MAP3K2: variants seen among roughly 807,000 people sequenced by gnomAD.
MAP3K2 encodes MAP/ERK kinase kinase 2.
A neutral mutation model predicts 80.3 loss-of-function variants in MAP3K2; 24 were observed. The ratio of observed to expected loss-of-function variants is 0.30; its 90% confidence interval spans 0.22 to 0.42. The LOEUF (loss-of-function observed/expected upper bound fraction) is 0.42. Among genes scored for constraint, MAP3K2 ranks in the 10% least tolerant of loss-of-function variants. The probability of loss-of-function intolerance (pLI) is 1.00; values close to 1 mark genes in which losing one functional copy is unlikely to be tolerated. For synonymous variants in MAP3K2, 244 were observed against 253.7 expected (o/e 0.96, Z 0.36); for missense variants, 608 against 750.1 (o/e 0.81, Z 2.21).
chr2:127,377,751 C>T (rs924940365), intron 1 of MAP3K2, among the ~76,000 whole-genome samples: 1 of 152,152 alleles, frequency 6.6e-6, no homozygotes, highest in Non-Finnish European at 1.5e-5. Flanking sequence ...TGTATGATAG[C>T]TTCAATGCCA....
chr2:127,342,980 T>C (rs975764924), intron 2 of MAP3K2, 146 bp downstream of exon 2: 2 of 585,570 alleles, frequency 3.4e-6, no homozygotes, highest in African/African-American at 3.7e-5. Context: ...CAAAGTCTAT[T>C]AAGTAAATAT....
At chr2:127,326,250 G>A (rs937213100) in intron 8 of MAP3K2, among the ~76,000 whole-genome samples, 6 of 109,304 alleles carry the variant, frequency 5.5e-5, no homozygotes, top group South Asian at 2.6e-4. Flanking sequence ...CATATAATGC[G>A]ATGCAATGCA....
intron 1 of MAP3K2, among the ~76,000 whole-genome samples, chr2:127,348,933 T>C (rs1686643686): frequency 1.3e-5 from 2 of 152,106 alleles, no homozygotes; most frequent in South Asian, 4.1e-4. Context: ...CTAATCCAAA[T>C]TTTAATGTGA....
At chr2:127,358,300 G>A (rs112422832) in intron 1 of MAP3K2, among the ~76,000 whole-genome samples, 22 of 152,310 alleles carry the variant, frequency 1.4e-4, no homozygotes, top group African/African-American at 4.1e-4. Context: ...CAAGGATACC[G>A]TGCAACTAAA....
At chr2:127,340,591 A>C (rs1686459529) in intron 2 of MAP3K2, among the ~76,000 whole-genome samples, 1 of 151,818 alleles carries the variant, frequency 6.6e-6, no homozygotes, top group Non-Finnish European at 1.5e-5. Flanking sequence ...CAGGAGGCAG[A>C]GGTTGCAGCG....
rs577563755 is a variant in MAP3K2, at chr2:127,325,403, G to A, written c.677+325C>T. Among the ~76,000 whole-genome samples, 10 of 152,278 alleles carry A rather than the reference G, an allele frequency of 6.6e-5. No homozygotes were observed. The East Asian group carries it at 1.5e-3, about 23-fold the overall frequency. On this transcript the variant is annotated intron_variant, in intron 9 of 16. Coordinates refer to ENST00000682094, the MANE Select transcript of MAP3K2 (RefSeq NM_001371910.2). ...AAAAAAGAAAACTACAGTAAGCTGA[G>A]CATGGTGGCTCATGTGTGTAATCCC...
At chr2:127,377,668 A>T (rs1442973273) in intron 1 of MAP3K2, among the ~76,000 whole-genome samples, 2 of 152,178 alleles carry the variant, frequency 1.3e-5, no homozygotes, top group Non-Finnish European at 2.9e-5. Flanking sequence ...TGTAATATGA[A>T]TTTTCTGGCA....
At chr2:127,314,626 A>C in intron 15 of MAP3K2, 128 bp downstream of exon 15, 3 of 740,422 alleles carry the variant, frequency 4.1e-6, no homozygotes, top group Non-Finnish European at 6.4e-6. Flanking sequence ...TAAGAAAGCA[A>C]GAGAACTGTT....
rs1168787009 is a variant in MAP3K2 at position 127,306,561 on chromosome 2, T to A, written c.*1018A>T. ...GACATAACACATAAACATTACTAATTGAACTCTTCGCTCCTAAGGGATGTT... is the reference window on the plus strand; with the variant it reads ...GACATAACACATAAACATTACTAATAGAACTCTTCGCTCCTAAGGGATGTT... On this transcript the variant is annotated 3_prime_UTR_variant, in exon 17 of 17. Coordinates refer to ENST00000682094, the MANE Select transcript of MAP3K2 (RefSeq NM_001371910.2). The surrounding 1 kb of genome is among the most constrained non-coding windows in gnomAD (Gnocchi z 4.7). The A allele has an allele frequency of 6.6e-6, 1 of 152,156 alleles. No individual in the cohort carries two copies. Among genetic ancestry groups the A allele is most frequent in the African/African-American group, 2.4e-5 (1 of 41,430 alleles). The allele number at this position is 152,156 out of a possible 1,614,324, so 9.4% of individuals were successfully genotyped here.
rs1233309613 is a variant in MAP3K2 at position 127,301,073 on chromosome 2, A to G, written c.*6506T>C. 1.3e-5 allele frequency: 2 copies of G among 152,190 alleles called. No homozygotes were observed. The highest frequency in any genetic ancestry group is 4.8e-5 in the African/African-American group (2 of 41,430). The allele number at this position is 152,190 out of a possible 1,614,324, so 9.4% of individuals were successfully genotyped here. On this transcript the variant is annotated 3_prime_UTR_variant, in exon 17 of 17. Coordinates refer to ENST00000682094, the MANE Select transcript of MAP3K2 (RefSeq NM_001371910.2). ...TTACTGTTCTCAACTGCATTAAGGG[A>G]TTCTCAACTGCATTAAGGGATTCAG...
chr2:127,308,484 G>T, intron 16 of MAP3K2, 101 bp downstream of exon 16: 1 of 1,053,524 alleles, frequency 9.5e-7, no homozygotes, highest in Non-Finnish European at 1.3e-6. Flanking sequence ...TCCTATTTTG[G>T]AAGTACAAAA....
chr2:127,298,702 T>A lies in MAP3K2; in HGVS notation c.*8877A>T, dbSNP rs1685532052. ...AAATAAATATTAGCTTTATTAACACTCAAAGTGCCATTCATTTATATTCAT... is the reference window on the plus strand; with the variant it reads ...AAATAAATATTAGCTTTATTAACACACAAAGTGCCATTCATTTATATTCAT... On this transcript the variant is annotated 3_prime_UTR_variant, in exon 17 of 17. Coordinates refer to ENST00000682094, the MANE Select transcript of MAP3K2 (RefSeq NM_001371910.2). 1 of 152,232 alleles carries A rather than the reference T, an allele frequency of 6.6e-6. No homozygotes were observed. The highest frequency in any genetic ancestry group is 2.4e-5 in the African/African-American group (1 of 41,462). 9.4% of individuals were successfully genotyped at this position (152,232 alleles called of 1,614,324 possible).
In MAP3K2 at chr2:127,300,732, T is replaced by C. The variant is rs978260836; in HGVS notation, c.*6847A>G. The C allele has an allele frequency of 6.6e-6, 1 of 152,226 alleles. No individual in the cohort carries two copies. The highest frequency in any genetic ancestry group is 1.5e-5 in the Non-Finnish European group (1 of 68,022). 9.4% of individuals were successfully genotyped at this position (152,226 alleles called of 1,614,324 possible). A position where few individuals can be genotyped will look rare whatever the true frequency, so the allele number is the denominator to read the frequency against. On this transcript the variant is annotated 3_prime_UTR_variant, in exon 17 of 17. Coordinates refer to ENST00000682094, the MANE Select transcript of MAP3K2 (RefSeq NM_001371910.2). ...GAAGTATTCTTATCCTTAGACACTGTACTTTCAATTGAATAGGGTGTATTG... is the reference window on the plus strand; with the variant it reads ...GAAGTATTCTTATCCTTAGACACTGCACTTTCAATTGAATAGGGTGTATTG...
chr2:127,325,407 G>A (rs1686112727), intron 9 of MAP3K2, among the ~76,000 whole-genome samples: 1 of 152,152 alleles, frequency 6.6e-6, no homozygotes, highest in Non-Finnish European at 1.5e-5. Context: ...AGCTGAGCAT[G>A]GTGGCTCATG....
At chr2:127,314,276 G>A (rs1022473291) in intron 15 of MAP3K2, among the ~76,000 whole-genome samples, 3 of 152,042 alleles carry the variant, frequency 2.0e-5, no homozygotes, top group Admixed American at 6.6e-5. Context: ...CCATTCCTCC[G>A]AGTTTAAATT....
rs1685720357 is a variant in MAP3K2, at chr2:127,307,332, C to T, written c.*247G>A. 1 of 257,098 alleles carries T rather than the reference C, an allele frequency of 3.9e-6. No individual in the cohort carries two copies. The highest frequency in any genetic ancestry group is 9.3e-5 in the South Asian group (1 of 10,738). The allele number at this position is 257,098 out of a possible 1,614,324, so 15.9% of individuals were successfully genotyped here. On this transcript the variant is annotated 3_prime_UTR_variant, in exon 17 of 17. Transcript: ENST00000682094. This position sits in a 1 kb window ranked among gnomAD's most constrained non-coding sequence, Gnocchi z 5.4. The stretch of plus-strand genomic sequence containing the variant: ...TAAAGTGCTTTATCTCTCTGAACCA[C>T]ATCAGTACATTATAAAAATTAAAAA...
intron 2 of MAP3K2, among the ~76,000 whole-genome samples, chr2:127,340,941 C>T (rs1686468119): frequency 6.6e-6 from 1 of 151,816 alleles, no homozygotes; most frequent in African/African-American, 2.4e-5. Flanking sequence ...TGGGGGAGGG[C>T]CTTTGGCTAA....
chr2:127,323,563 T>G (rs1558976623), intron 11 of MAP3K2, among the ~76,000 whole-genome samples: 1 of 151,764 alleles, frequency 6.6e-6, no homozygotes, highest in Non-Finnish European at 1.5e-5. Context: ...GGCAAATGCC[T>G]GTAATGGCAC....
At chr2:127,375,618 C>T (rs1418410674) in intron 1 of MAP3K2, among the ~76,000 whole-genome samples, 1 of 152,044 alleles carries the variant, frequency 6.6e-6, no homozygotes, top group Non-Finnish European at 1.5e-5. Context: ...CCATGTTAGC[C>T]AAGATGGTCT....
Sources: allele counts gnomAD v4.1 joint callset (sites outside exome capture counted in the v4.1 genomes callset), GRCh38; gene constraint gnomAD v4.1.1; non-coding constraint Gnocchi (gnomAD v3.1); transcripts MANE v1.5; gene names NCBI Gene and HGNC (gene_info 2026-07-23, HGNC 2026-07-21).